Variants in DAPK1 observed in about 807,000 individuals in gnomAD.
The protein encoded by DAPK1 is death-associated protein kinase 1.
DAPK1 carries 56 observed loss-of-function variants against 144.9 expected under a neutral mutation model. The ratio of observed to expected loss-of-function variants is 0.39; its 90% CI spans 0.31 to 0.48. The LOEUF is 0.48. Ranked by LOEUF, DAPK1 falls within the 20% of genes least tolerant of loss-of-function variation. The pLI is 0.95. For synonymous variants in DAPK1, 690 were observed against 749.0 expected, an observed-to-expected ratio of 0.92 and a Z score of 1.29; for missense variants, 1,454 against 1,875.4, an observed-to-expected ratio of 0.78 and a Z score of 4.15.
chr9:87,564,602 G>A (rs1827048870), intron 2 of DAPK1, among the ~76,000 whole-genome samples: 1 of 151,320 alleles, frequency 6.6e-6, no homozygotes, highest in Non-Finnish European at 1.5e-5. Flanking sequence ...GGGAGAGAGA[G>A]AGAGAGAGGA....
At position 87,665,804 on chromosome 9, in the gene DAPK1, G is replaced by C. The variant is rs1027088983; in HGVS notation, c.1924-2793G>C. Among the ~76,000 whole-genome samples the C allele has an allele frequency of 6.4e-4, 97 of 152,336 alleles. 1 individual carries two copies. The highest frequency in any genetic ancestry group is 1.0e-3 in the Admixed American group (16 of 15,304). On this transcript the variant is annotated intron_variant, in intron 18 of 25. Transcript: ENST00000408954. ...AGTCTAGAATGTAGTGTTGTGGGCT[G>C]CTGGTGCACAAGAGACACCGTGATT... is the stretch of plus-strand genomic sequence containing the variant.
At chr9:87,547,712 G>A (rs1826311297) in intron 2 of DAPK1, among the ~76,000 whole-genome samples, 1 of 152,018 alleles carries the variant, frequency 6.6e-6, no homozygotes, top group Non-Finnish European at 1.5e-5. Context: ...TGGGGGTGCA[G>A]GGTGGAGATC....
chr9:87,542,316 A>T (rs1826084901), intron 2 of DAPK1, among the ~76,000 whole-genome samples: 1 of 152,230 alleles, frequency 6.6e-6, no homozygotes, highest in Admixed American at 6.5e-5. Context: ...ATCATCTCTG[A>T]ATCATCACAA....
intron 17 of DAPK1, among the ~76,000 whole-genome samples, chr9:87,652,034 C>T (rs1437082684): frequency 5.0e-5 from 7 of 138,952 alleles, no homozygotes; most frequent in East Asian, 4.5e-4. Flanking sequence ...CTGTGTCCTC[C>T]CACCTGATCC....
At position 87,645,956 on chromosome 9, in the gene DAPK1, C is replaced by A; in HGVS notation, c.1073C>A (p.Pro358Gln). 6.2e-7 allele frequency: 1 copy of A among 1,614,066 alleles called. No homozygotes were observed. The highest frequency in any genetic ancestry group is 8.5e-7 in the Non-Finnish European group (1 of 1,179,958). The change falls in exon 12 of 26, where the codon CCA (proline) becomes CAA (glutamine). Residue 358 changes from proline to glutamine, a missense_variant. Physicochemically the swap from Pro to Gln is moderately conservative, Grantham distance 76. Transcript: ENST00000408954. ...IIHAINDDNV[P>Q]GLQHLLGSLS... is the part of the protein sequence containing the mutation. The stretch of plus-strand genomic sequence containing the variant: ...CATGCCATCAACGATGACAATGTCC[C>A]AGGCCTGCAGCACCTTCTGGGCTCA...
At chr9:87,540,119 A>G (rs975449288) in intron 2 of DAPK1, among the ~76,000 whole-genome samples, 2 of 151,440 alleles carry the variant, frequency 1.3e-5, no homozygotes, top group African/African-American at 2.4e-5. Flanking sequence ...CCACATTCAC[A>G]TGACTTTTAT....
Position 87,497,954 on chromosome 9 carries a change from C to CG in DAPK1, c.-262_-261insG, listed in dbSNP as rs1824233798. ...GAGGGGACTCGGCAACTCGCAGCGG[C>CG]AGGGTCTGGGGCCGGCGCCTGGGAG... On this transcript the variant is annotated 5_prime_UTR_variant, in exon 1 of 26. Coordinates refer to ENST00000408954, the MANE Select transcript of DAPK1 (RefSeq NM_004938.4). 2.5e-6 allele frequency: 1 copy of CG among 396,756 alleles called. No individual in the cohort carries two copies. Among genetic ancestry groups the CG allele is most frequent in the African/African-American group, 2.1e-5 (1 of 48,590 alleles). The allele number at this position is 396,756 out of a possible 1,614,324, so 24.6% of individuals were successfully genotyped here.
In DAPK1 at chr9:87,582,557, C is replaced by CTTTT. The variant is rs10659497; in HGVS notation, c.63-22385_63-22382dup. Among the ~76,000 whole-genome samples, 26 of 139,496 alleles carry CTTTT rather than the reference C, an allele frequency of 1.9e-4. 7 individuals carry two copies. Among genetic ancestry groups the CTTTT allele is most frequent in the South Asian group, 2.3e-4 (1 of 4,418 alleles). The allele number at this position is 139,496 out of a possible 152,430, so 91.5% of individuals were successfully genotyped here. A position where few individuals can be genotyped will look rare whatever the true frequency, so the allele number is the denominator to read the frequency against. ...TGGTCACACTTTGCCAATTTTCCTG[C>CTTTT]TTTTTTTTTTTTTTTGAGATGGAAT... On this transcript the variant is annotated intron_variant, in intron 2 of 25. Transcript: ENST00000408954.
chr9:87,505,935 G>C (rs949767278), intron 2 of DAPK1, among the ~76,000 whole-genome samples: 2 of 151,896 alleles, frequency 1.3e-5, no homozygotes, highest in African/African-American at 4.8e-5. Flanking sequence ...TGATCCGCCC[G>C]TCTCGGCCTC....
intron 2 of DAPK1, among the ~76,000 whole-genome samples, chr9:87,593,134 G>A (rs1007485851): frequency 4.6e-5 from 7 of 152,218 alleles, no homozygotes; most frequent in Non-Finnish European, 8.8e-5. Context: ...ACCCTCAGTT[G>A]TATTCAGTCT....
At chr9:87,563,002 G>C (rs1203341680) in intron 2 of DAPK1, among the ~76,000 whole-genome samples, 1 of 152,202 alleles carries the variant, frequency 6.6e-6, no homozygotes, top group African/African-American at 2.4e-5. Flanking sequence ...TTGGAGTGAA[G>C]GTTGGACAAT....
chr9:87,551,634 AG>A (rs1299267368), intron 2 of DAPK1, among the ~76,000 whole-genome samples: 1 of 152,166 alleles, frequency 6.6e-6, no homozygotes, highest in Non-Finnish European at 1.5e-5. Flanking sequence ...GGGCGAGAGA[AG>A]GGATCCAGGG....
intron 2 of DAPK1, among the ~76,000 whole-genome samples, chr9:87,604,171 A>G (rs36207162): frequency 0.12 from 18,537 of 151,188 alleles, 1,149 homozygotes; most frequent in East Asian, 0.21. Context: ...AGCGGCTTTG[A>G]GGGGGGGGTT....
intron 19 of DAPK1, among the ~76,000 whole-genome samples, chr9:87,670,521 C>T (rs1163220352): frequency 6.6e-6 from 1 of 152,154 alleles, no homozygotes; most frequent in African/African-American, 2.4e-5. Context: ...ATAGCTTTAC[C>T]GAGTGCATAA....
At chr9:87,640,249 C>T in intron 7 of DAPK1, 49 bp from the exon 8 acceptor site, 1 of 1,570,324 alleles carries the variant, frequency 6.4e-7, no homozygotes, top group Non-Finnish European at 8.7e-7. Flanking sequence ...AAAATGACAA[C>T]ACCAAGGGGT....
chr9:87,510,767 C>T (rs767263386), intron 2 of DAPK1, among the ~76,000 whole-genome samples: 18 of 152,202 alleles, frequency 1.2e-4, no homozygotes, highest in Non-Finnish European at 2.5e-4. Flanking sequence ...ACCCAAATCC[C>T]TGTCTCCACA....
chr9:87,552,302 C>T (rs1826521083), intron 2 of DAPK1, among the ~76,000 whole-genome samples: 1 of 132,426 alleles, frequency 7.6e-6, no homozygotes. Flanking sequence ...TCAGTCCCAA[C>T]CCCGCTGACC....
intron 3 of DAPK1, among the ~76,000 whole-genome samples, chr9:87,614,508 A>G (rs1246398100): frequency 2.6e-5 from 4 of 151,818 alleles, no homozygotes; most frequent in Non-Finnish European, 5.9e-5. Flanking sequence ...CTTCTGCATC[A>G]CTCTCTGGGG....
intron 3 of DAPK1, among the ~76,000 whole-genome samples, chr9:87,609,350 T>C (rs1828844680): frequency 6.6e-6 from 1 of 152,148 alleles, no homozygotes; most frequent in Non-Finnish European, 1.5e-5. Context: ...ATATGCACGG[T>C]ATGATGCGTG....
Sources: allele counts gnomAD v4.1 joint callset (sites outside exome capture counted in the v4.1 genomes callset), GRCh38; gene constraint gnomAD v4.1.1; transcripts MANE v1.5; gene names NCBI Gene and HGNC (gene_info 2026-07-23, HGNC 2026-07-21).